DMRT1: variants seen among roughly 807,000 people sequenced by gnomAD.
DMRT1 encodes the protein doublesex and mab-3 related transcription factor 1, also known as doublesex- and mab-3-related transcription factor 1.
In DMRT1, 7 loss-of-function variants were observed where a neutral mutation model predicts 32.3. The observed-to-expected ratio is 0.22, with a 90% CI of 0.12 to 0.41. The LOEUF is 0.41. Among genes scored for constraint, DMRT1 ranks in the 10% least tolerant of loss-of-function variants. DMRT1 has a pLI of 1.00. For missense variants in DMRT1, 625 were observed against 500.5 expected, an observed-to-expected ratio of 1.25 and a Z score of -2.37; for synonymous variants, 278 against 206.1, an observed-to-expected ratio of 1.35 and a Z score of -2.99.
intron 2 of DMRT1, among the ~76,000 whole-genome samples, chr9:858,853 C>CAAA (rs1205538076): frequency 7.3e-6 from 1 of 137,670 alleles, no homozygotes; most frequent in African/African-American, 2.7e-5. Flanking sequence ...CAGTCTGTCT[C>CAAA]AAAAAAAAAA....
chr9:880,418 C>T (rs1031816200), intron 2 of DMRT1, among the ~76,000 whole-genome samples: 5 of 152,092 alleles, frequency 3.3e-5, no homozygotes, highest in Middle Eastern at 3.2e-3. Context: ...GAGGAATATG[C>T]GAGCATTAGT....
At chr9:886,670 T>G (rs977258516) in intron 2 of DMRT1, among the ~76,000 whole-genome samples, 9 of 152,112 alleles carry the variant, frequency 5.9e-5, no homozygotes, top group African/African-American at 2.2e-4. Flanking sequence ...AAACTTTATG[T>G]ATATATAAAT....
chr9:891,175 A>G (rs1817133862), intron 2 of DMRT1, among the ~76,000 whole-genome samples: 1 of 149,750 alleles, frequency 6.7e-6, no homozygotes, highest in South Asian at 2.1e-4. Flanking sequence ...CCCCATCTCT[A>G]TACAAAAAAA....
intron 3 of DMRT1, among the ~76,000 whole-genome samples, chr9:905,488 CTGTGTGTGTG>C (rs57056050): frequency 1.4e-5 from 2 of 147,722 alleles, no homozygotes; most frequent in Non-Finnish European, 3.0e-5. Flanking sequence ...GTGTGTGTGT[CTGTGTGTGTG>C]TGTGTGTGTG....
chr9:907,664 T>A (rs191007798), intron 3 of DMRT1, among the ~76,000 whole-genome samples: 16 of 152,304 alleles, frequency 1.1e-4, no homozygotes, highest in Admixed American at 9.2e-4. Flanking sequence ...TGTATTCCAG[T>A]ATATATTTAC....
At chr9:926,796 CCTGT>C (rs767678960) in intron 4 of DMRT1, among the ~76,000 whole-genome samples, 1 of 152,028 alleles carries the variant, frequency 6.6e-6, no homozygotes, top group Non-Finnish European at 1.5e-5. Context: ...GAAAACATTG[CCTGT>C]CTGTTTTCAA....
chr9:867,401 A>G (rs77394837), intron 2 of DMRT1, among the ~76,000 whole-genome samples: 3,162 of 152,314 alleles, frequency 0.021, 111 homozygotes, highest in African/African-American at 0.071. Flanking sequence ...CTAAGCATGC[A>G]GTCGGTTTAA....
intron 2 of DMRT1, among the ~76,000 whole-genome samples, chr9:871,945 C>G (rs183956919): frequency 1.3e-5 from 2 of 151,462 alleles, no homozygotes; most frequent in African/African-American, 2.5e-5. Flanking sequence ...TTCTTCATCT[C>G]TCTATATACC....
At chr9:961,124 C>G (rs1228681040) in intron 4 of DMRT1, among the ~76,000 whole-genome samples, 1 of 152,184 alleles carries the variant, frequency 6.6e-6, no homozygotes, top group Non-Finnish European at 1.5e-5. Context: ...GGTAGTAAGA[C>G]AGCCCACCTC....
intron 2 of DMRT1, among the ~76,000 whole-genome samples, chr9:883,111 T>A (rs1586561500): frequency 6.6e-6 from 1 of 151,850 alleles, no homozygotes; most frequent in South Asian, 2.1e-4. Context: ...CCAGATTCCA[T>A]ACGCATAGCC....
chr9:850,303 A>G (rs961922446), intron 2 of DMRT1, among the ~76,000 whole-genome samples: 2 of 152,204 alleles, frequency 1.3e-5, no homozygotes, highest in African/African-American at 4.8e-5. Context: ...AGAGACAGAA[A>G]GATGGAGTGT....
chr9:843,334 G>C (rs1405282430), intron 1 of DMRT1, among the ~76,000 whole-genome samples: 3 of 152,214 alleles, frequency 2.0e-5, no homozygotes, highest in Admixed American at 6.5e-5. Flanking sequence ...GGCGCTTTTT[G>C]TCTTCGCCCT....
At chr9:856,180 G>C (rs1433486800) in intron 2 of DMRT1, among the ~76,000 whole-genome samples, 1 of 152,162 alleles carries the variant, frequency 6.6e-6, no homozygotes, top group Admixed American at 6.5e-5. Flanking sequence ...GCCTCCCAAA[G>C]TGCTGGGATT....
intron 2 of DMRT1, among the ~76,000 whole-genome samples, chr9:888,517 C>A (rs1227194747): frequency 1.3e-5 from 2 of 152,104 alleles, no homozygotes; most frequent in East Asian, 1.9e-4. Context: ...CCAGGTTGGT[C>A]TCGAACTCCT....
chr9:957,687 C>G (rs1819642464), intron 4 of DMRT1, among the ~76,000 whole-genome samples: 1 of 152,172 alleles, frequency 6.6e-6, no homozygotes, highest in South Asian at 2.1e-4. Context: ...TAGATGTGTC[C>G]TGGTATTTGC....
At chr9:913,937 A>T (rs946958253) in intron 3 of DMRT1, among the ~76,000 whole-genome samples, 1 of 152,002 alleles carries the variant, frequency 6.6e-6, no homozygotes, top group Admixed American at 6.6e-5. Flanking sequence ...GGGTTCTGAG[A>T]GGTACTAAGT....
intron 2 of DMRT1, among the ~76,000 whole-genome samples, chr9:869,119 G>T (rs75673302): frequency 0.049 from 7,449 of 152,254 alleles, 556 homozygotes; most frequent in African/African-American, 0.16. Context: ...GATGGTTGAG[G>T]CTTCTGAGGA....
intron 2 of DMRT1, among the ~76,000 whole-genome samples, chr9:875,703 T>C (rs912292564): frequency 6.6e-6 from 1 of 152,218 alleles, no homozygotes; most frequent in Non-Finnish European, 1.5e-5. Context: ...CTCTTTGTAG[T>C]CATTTCTTTC....
At chr9:877,747 A>C (rs997366225) in intron 2 of DMRT1, among the ~76,000 whole-genome samples, 6 of 152,240 alleles carry the variant, frequency 3.9e-5, no homozygotes, top group African/African-American at 1.4e-4. Context: ...AAGCAAAGGG[A>C]GTATAAAGGG....
Sources: allele counts gnomAD v4.1 joint callset (sites outside exome capture counted in the v4.1 genomes callset), GRCh38; gene constraint gnomAD v4.1.1; transcripts MANE v1.5; gene names NCBI Gene and HGNC (gene_info 2026-07-23, HGNC 2026-07-21).